Variants in KDM2A observed in about 807,000 individuals in gnomAD.
The protein encoded by KDM2A is lysine-specific demethylase 2A.
KDM2A carries 3 observed loss-of-function variants against 137.3 expected under a neutral mutation model. The ratio of observed to expected loss-of-function variants is 0.02; its 90% CI spans 0.01 to 0.06. The LOEUF (loss-of-function observed/expected upper bound fraction) is 0.06, where lower values mean the gene tolerates loss of function less well. Ranked by LOEUF, KDM2A falls within the 10% of genes least tolerant of loss-of-function variation. KDM2A has a pLI of 1.00. For synonymous variants in KDM2A, 512 were observed against 541.5 expected, an observed-to-expected ratio of 0.95 and a Z score of 0.76; for missense variants, 738 against 1,510.6, an observed-to-expected ratio of 0.49 and a Z score of 8.48.
At chr11:67,187,834 A>C (rs1436464063) in intron 5 of KDM2A, among the ~76,000 whole-genome samples, 1 of 152,096 alleles carries the variant, frequency 6.6e-6, no homozygotes, top group Middle Eastern at 3.2e-3. Flanking sequence ...TGGGCCTTCC[A>C]AGGTGCTGGG....
At chr11:67,206,648 A>G (rs1261390285) in intron 5 of KDM2A, among the ~76,000 whole-genome samples, 3 of 151,950 alleles carry the variant, frequency 2.0e-5, no homozygotes, top group East Asian at 3.9e-4. Flanking sequence ...AGGCAGGAGA[A>G]CTGCTTGAAC....
chr11:67,254,849 G>A lies in KDM2A; in HGVS notation c.3308-25G>A. On this transcript the variant is annotated intron_variant, in intron 20 of 20. Transcript: ENST00000529006. The surrounding 1 kb of genome is among the most constrained non-coding windows in gnomAD (Gnocchi z 4.7). ...GGAAAGCTGTGTGTATGTGAGCACTGTCATTATGTCCACTTTCCCGACAGG... is the reference window on the plus strand; with the variant it reads ...GGAAAGCTGTGTGTATGTGAGCACTATCATTATGTCCACTTTCCCGACAGG... 1.2e-6 allele frequency: 2 copies of A among 1,607,902 alleles called. No individual in the cohort carries two copies. The highest frequency in any genetic ancestry group is 1.7e-6 in the Non-Finnish European group (2 of 1,174,706).
At chr11:67,124,421 C>T (rs1338818972) in intron 2 of KDM2A, among the ~76,000 whole-genome samples, 1 of 152,086 alleles carries the variant, frequency 6.6e-6, no homozygotes, top group Non-Finnish European at 1.5e-5. Context: ...AAATGATTCT[C>T]CTGCCTCAGC....
intron 7 of KDM2A, 187 bp from the exon 8 acceptor site, chr11:67,215,669 C>T (rs957470994): frequency 1.4e-5 from 9 of 629,958 alleles, no homozygotes; most frequent in East Asian, 5.4e-5. Flanking sequence ...TTAGTCAATA[C>T]GGTAGAAAAA....
intron 6 of KDM2A, among the ~76,000 whole-genome samples, chr11:67,208,647 T>C (rs1329565267): frequency 6.6e-6 from 1 of 151,690 alleles, no homozygotes; most frequent in Non-Finnish European, 1.5e-5. Flanking sequence ...TGCATGCGCC[T>C]GTAATTCCAG....
At chr11:67,157,988 T>C (rs1006464370) in intron 2 of KDM2A, among the ~76,000 whole-genome samples, 3 of 152,156 alleles carry the variant, frequency 2.0e-5, no homozygotes, top group East Asian at 3.8e-4. Flanking sequence ...TAGTTTAAAT[T>C]AGGTTTCCCT....
At chr11:67,186,298 A>G (rs570671371) in intron 5 of KDM2A, among the ~76,000 whole-genome samples, 20 of 152,322 alleles carry the variant, frequency 1.3e-4, no homozygotes, top group African/African-American at 4.8e-4. Flanking sequence ...TAAAATTATG[A>G]ACGAATTTCT....
At chr11:67,240,471 T>G (rs763311714) in intron 12 of KDM2A, 25 of 932,968 alleles carry the variant, frequency 2.7e-5, no homozygotes, top group Non-Finnish European at 3.8e-5. Flanking sequence ...GCCGGGCGAG[T>G]CCAGGACAAT....
chr11:67,168,607 A>AGT (rs1856805509), intron 2 of KDM2A, among the ~76,000 whole-genome samples: 2 of 102,446 alleles, frequency 2.0e-5, no homozygotes, highest in African/African-American at 1.5e-4. Flanking sequence ...ACACACACAC[A>AGT]CACACACACA....
intron 5 of KDM2A, among the ~76,000 whole-genome samples, chr11:67,204,765 A>G (rs1323825115): frequency 6.6e-6 from 1 of 152,168 alleles, no homozygotes; most frequent in Non-Finnish European, 1.5e-5. Context: ...TGCTGGGATT[A>G]CAGGCGTGAG....
chr11:67,150,296 T>C (rs183906360), intron 2 of KDM2A, among the ~76,000 whole-genome samples: 1 of 152,320 alleles, frequency 6.6e-6, no homozygotes, highest in East Asian at 1.9e-4. Context: ...GTATTATTTG[T>C]TAGTCTGACA....
intron 2 of KDM2A, among the ~76,000 whole-genome samples, chr11:67,131,412 CTTTTTTT>C (rs563635809): frequency 9.8e-5 from 13 of 132,838 alleles, no homozygotes; most frequent in Non-Finnish European, 1.9e-4. Flanking sequence ...GTTTTCTTTT[CTTTTTTT>C]TTTTTTTTTG....
intron 12 of KDM2A, among the ~76,000 whole-genome samples, chr11:67,242,022 C>T (rs926033194): frequency 1.3e-5 from 2 of 152,018 alleles, no homozygotes; most frequent in Non-Finnish European, 2.9e-5. Flanking sequence ...TGCAGTGAGC[C>T]GAGATAGCGC....
chr11:67,203,339 A>G (rs959921142), intron 5 of KDM2A, among the ~76,000 whole-genome samples: 6 of 151,400 alleles, frequency 4.0e-5, no homozygotes, highest in East Asian at 1.9e-4. Flanking sequence ...CTTTATTGCA[A>G]TGATCTGGAA....
At chr11:67,149,395 G>T (rs1255015314) in intron 2 of KDM2A, among the ~76,000 whole-genome samples, 2 of 152,034 alleles carry the variant, frequency 1.3e-5, no homozygotes, top group Admixed American at 6.6e-5. Flanking sequence ...TCAATAAAAG[G>T]TATCTGTTGT....
intron 6 of KDM2A, among the ~76,000 whole-genome samples, chr11:67,210,652 G>T (rs979757750): frequency 4.6e-5 from 7 of 152,110 alleles, no homozygotes; most frequent in African/African-American, 1.4e-4. Context: ...AATATCTTAC[G>T]GGGACCTAAA....
At chr11:67,174,633 T>G (rs1187350116) in intron 2 of KDM2A, among the ~76,000 whole-genome samples, 1 of 152,192 alleles carries the variant, frequency 6.6e-6, no homozygotes, top group Non-Finnish European at 1.5e-5. Context: ...ATCTAAGTAT[T>G]CCATTTATGT....
At chr11:67,228,388 A>G (rs1858609232) in intron 11 of KDM2A, among the ~76,000 whole-genome samples, 1 of 152,160 alleles carries the variant, frequency 6.6e-6, no homozygotes, top group African/African-American at 2.4e-5. Context: ...GCTATTACTT[A>G]GCTCCTCAAG....
At chr11:67,180,628 A>C (rs551301653) in intron 3 of KDM2A, among the ~76,000 whole-genome samples, 4 of 151,972 alleles carry the variant, frequency 2.6e-5, no homozygotes, top group Admixed American at 2.6e-4. Flanking sequence ...TCATATATGT[A>C]TTGTAGTGGT....
Sources: allele counts gnomAD v4.1 joint callset (sites outside exome capture counted in the v4.1 genomes callset), GRCh38; gene constraint gnomAD v4.1.1; non-coding constraint Gnocchi (gnomAD v3.1); transcripts MANE v1.5; gene names NCBI Gene and HGNC (gene_info 2026-07-23, HGNC 2026-07-21).